TMPRSS15: variants seen among roughly 807,000 people sequenced by gnomAD.
The protein encoded by TMPRSS15 is enteropeptidase.
TMPRSS15 carries 128 observed loss-of-function variants against 125.3 expected under a neutral mutation model. The ratio of observed to expected loss-of-function variants is 1.02; its 90% confidence interval spans 0.89 to 1.18. TMPRSS15 has a LOEUF of 1.18. TMPRSS15 is among the 50% of genes most tolerant of loss of function. The pLI, the probability that TMPRSS15 is intolerant of heterozygous loss-of-function variation, is 0.00. For missense variants in TMPRSS15, 1,283 were observed against 1,212.7 expected, an observed-to-expected ratio of 1.06 and a Z score of -0.86; for synonymous variants, 446 against 423.2, an observed-to-expected ratio of 1.05 and a Z score of -0.66.
chr21:18,274,841 T>C (rs1458794219), intron 24 of TMPRSS15, among the ~76,000 whole-genome samples: 1 of 152,168 alleles, frequency 6.6e-6, no homozygotes, highest in African/African-American at 2.4e-5. Flanking sequence ...TTGTTTTAAG[T>C]TTGCATGGGG....
chr21:18,329,569 G>A (rs2075324957), intron 14 of TMPRSS15, among the ~76,000 whole-genome samples: 1 of 150,624 alleles, frequency 6.6e-6, no homozygotes, highest in Non-Finnish European at 1.5e-5. Flanking sequence ...TTTAATCAAA[G>A]TTTACAAATA....
intron 6 of TMPRSS15, among the ~76,000 whole-genome samples, chr21:18,367,403 A>C (rs921044859): frequency 6.6e-6 from 1 of 152,228 alleles, no homozygotes; most frequent in Non-Finnish European, 1.5e-5. Context: ...TTGTAAAAGC[A>C]AATCTCTTTT....
intron 1 of TMPRSS15, among the ~76,000 whole-genome samples, chr21:18,466,481 T>C (rs1385563227): frequency 1.3e-5 from 2 of 151,534 alleles, no homozygotes; most frequent in Non-Finnish European, 2.9e-5. Context: ...ACAGGCAACC[T>C]ACAGAATGGG....
chr21:18,332,204 T>C, intron 13 of TMPRSS15, 31 bp from the exon 14 acceptor site: 1 of 1,551,128 alleles, frequency 6.4e-7, no homozygotes, highest in Non-Finnish European at 8.9e-7. Flanking sequence ...AAATCATCAG[T>C]AATACAATGT....
chr21:18,458,871 T>C, intron 1 of TMPRSS15, among the ~76,000 whole-genome samples: 1 of 152,138 alleles, frequency 6.6e-6, no homozygotes, highest in Non-Finnish European at 1.5e-5. Context: ...TTTTCTAAAG[T>C]GAAAAATATA....
chr21:18,279,290 T>C (rs540673356), intron 22 of TMPRSS15, among the ~76,000 whole-genome samples: 1 of 150,192 alleles, frequency 6.7e-6, no homozygotes, highest in Non-Finnish European at 1.5e-5. Context: ...TTTAGGGTCT[T>C]TTACTAGTCT....
At position 18,334,539 on chromosome 21, in the gene TMPRSS15, G is replaced by A. The variant is rs966647489; in HGVS notation, c.1565-2366C>T. On this transcript the variant is annotated intron_variant, in intron 13 of 24. Transcript: ENST00000284885. ...TATATTAAGGATTTTTTGGATTGTT[G>A]TAAAATTAGACATAATTTAAGAAAT... Among the ~76,000 whole-genome samples the A allele has an allele frequency of 7.2e-5, 11 of 152,036 alleles. 2 individuals are homozygous for A. Among genetic ancestry groups the A allele is most frequent in the Non-Finnish European group, 1.3e-4 (9 of 67,990 alleles).
chr21:18,407,810 T>C (rs1167382918), upstream of TMPRSS15, among the ~76,000 whole-genome samples: 1 of 152,152 alleles, frequency 6.6e-6, no homozygotes, highest in Non-Finnish European at 1.5e-5. Flanking sequence ...CCGTATAAGA[T>C]AAAACGCTTT....
chr21:18,319,409 ATC>A (rs1490813308), intron 16 of TMPRSS15, among the ~76,000 whole-genome samples: 6 of 142,578 alleles, frequency 4.2e-5, no homozygotes, highest in Non-Finnish European at 6.0e-5. Context: ...GTAAAAAAAA[ATC>A]TTCTTCACCG....
chr21:18,285,519 G>A (rs1037223242), intron 21 of TMPRSS15, among the ~76,000 whole-genome samples: 3 of 152,206 alleles, frequency 2.0e-5, no homozygotes, highest in Admixed American at 6.5e-5. Context: ...ACCCAGCACA[G>A]CATTTTTGGT....
intron 5 of TMPRSS15, among the ~76,000 whole-genome samples, chr21:18,373,429 C>T (rs1306614635): frequency 6.6e-6 from 1 of 151,624 alleles, no homozygotes; most frequent in Non-Finnish European, 1.5e-5. Flanking sequence ...TAGAGTACTC[C>T]CATGTAGGAG....
chr21:18,477,842 T>C (rs1978907460), intron 1 of TMPRSS15: 1 of 152,088 alleles, frequency 6.6e-6, no homozygotes, highest in South Asian at 2.1e-4. Context: ...TTATCTCAGA[T>C]CCAATTATAT....
chr21:18,419,326 C>T (rs2076187214), intron 1 of TMPRSS15, among the ~76,000 whole-genome samples: 1 of 150,332 alleles, frequency 6.7e-6, no homozygotes, highest in Non-Finnish European at 1.5e-5. Flanking sequence ...CCCGGGTTCA[C>T]GCCATTCTCC....
upstream of TMPRSS15, among the ~76,000 whole-genome samples, chr21:18,404,619 A>C (rs2123153176): frequency 6.6e-6 from 1 of 152,266 alleles, no homozygotes; most frequent in African/African-American, 2.4e-5. Context: ...CAAAAATTAA[A>C]ACTAAATAAA....
chr21:18,379,224 TA>T, intron 5 of TMPRSS15, 58 bp downstream of exon 5: 4 of 854,634 alleles, frequency 4.7e-6, no homozygotes, highest in Non-Finnish European at 6.6e-6. Flanking sequence ...GGGCCTAAAA[TA>T]AAATGTATAA....
chr21:18,419,220 C>CTTTTTT (rs540004490), intron 1 of TMPRSS15, among the ~76,000 whole-genome samples: 6 of 108,616 alleles, frequency 5.5e-5, no homozygotes, highest in East Asian at 6.1e-4. Context: ...GACATTTCCT[C>CTTTTTT]TTTTTTTTTT....
Position 18,332,090 on chromosome 21 carries a change from C to A in TMPRSS15, c.1648G>T (p.Ala550Ser). 6.2e-7 allele frequency: 1 copy of A among 1,613,780 alleles called. No individual in the cohort carries two copies. ...TGGAAAAGAAATGACTCACAGAAAGCCAGATTAGGGTAGCTGTTTGGAAAG... is the reference window on the plus strand; with the variant it reads ...TGGAAAAGAAATGACTCACAGAAAGACAGATTAGGGTAGCTGTTTGGAAAG... Reference protein sequence around the residue: ...TNFPNSYPNLAFCVWILNAQK... With the variant: ...TNFPNSYPNLSFCVWILNAQK... Residue 550 changes from alanine (A) to serine (S), a missense_variant, in exon 14 of 25, where the codon GCT (alanine) becomes TCT (serine). Physicochemically the swap from Ala to Ser is moderately conservative, Grantham distance 99. Transcript: ENST00000284885.
chr21:18,433,663 C>CAA (rs58432155), intron 1 of TMPRSS15, among the ~76,000 whole-genome samples: 25,308 of 61,624 alleles, frequency 0.41, 5,205 homozygotes, highest in East Asian at 0.75. Context: ...GACCTTGTCT[C>CAA]AAAAAAAAAA....
intron 7 of TMPRSS15, 106 bp downstream of exon 7, chr21:18,365,034 G>A: frequency 2.1e-6 from 2 of 955,224 alleles, no homozygotes; most frequent in South Asian, 1.4e-5. Flanking sequence ...TTGCTTCATA[G>A]TTAATGAAAA....
Sources: gnomAD v4.1 joint callset for allele counts (sites outside exome capture counted in the v4.1 genomes callset) on GRCh38, gnomAD v4.1.1 for gene constraint, MANE v1.5 for transcripts, NCBI Gene and HGNC (gene_info 2026-07-23, HGNC 2026-07-21) for gene names.